Variants in SEL1L observed in about 807,000 individuals in gnomAD.
SEL1L encodes protein sel-1 homolog 1.
A neutral mutation model predicts 109.8 loss-of-function variants in SEL1L; 52 were observed. That is an observed-to-expected ratio of 0.47 (90% CI 0.38 to 0.60). The LOEUF is 0.60. Ranked by LOEUF, SEL1L falls within the 20% of genes least tolerant of loss-of-function variation. The pLI is 0.00. For missense variants in SEL1L, 749 were observed against 962.2 expected (o/e 0.78, Z 2.93); for synonymous variants, 373 against 339.6 (o/e 1.10, Z -1.08).
rs753954411 is a variant in SEL1L at position 81,489,256 on chromosome 14, T to C, written c.1391A>G (p.Gln464Arg). 18 of 1,613,816 alleles carry C rather than the reference T, an allele frequency of 1.1e-5. No individual in the cohort carries two copies. Among genetic ancestry groups the C allele is most frequent in the East Asian group, 2.2e-5 (1 of 44,870 alleles). Residue 464 changes from glutamine to arginine, a missense_variant, in exon 14 of 21, where the codon CAA becomes CGA. Physicochemically the swap from Gln to Arg is conservative, Grantham distance 43. Around this residue, in one of 2 missense-constraint regions of SEL1L, gnomAD observed 383 missense variants for 562.5 expected, o/e 0.68. Coordinates refer to ENST00000336735, the MANE Select transcript of SEL1L (RefSeq NM_005065.6). Reference protein sequence around the residue: ...GMAYLYGRGVQVNYDLALKYF... With the variant: ...GMAYLYGRGVRVNYDLALKYF... The stretch of plus-strand genomic sequence containing the variant: ...AATGTCAGACTGAACACTTACAACT[T>C]GAACTCCTCTCCCATAGAGGTAGGC...
chr14:81,526,673 G>A, intron 3 of SEL1L, 60 bp downstream of exon 3: 1 of 1,274,198 alleles, frequency 7.8e-7, no homozygotes, highest in Non-Finnish European at 1.1e-6. Context: ...TTATTCATTA[G>A]CTTAAAATTT....
At chr14:81,478,242 A>C (rs1190851639) in intron 20 of SEL1L, among the ~76,000 whole-genome samples, 1 of 152,176 alleles carries the variant, frequency 6.6e-6, no homozygotes, top group Non-Finnish European at 1.5e-5. Flanking sequence ...AAAAATGACA[A>C]GAAACCACTA....
chr14:81,487,180 C>T (rs529663544), intron 16 of SEL1L, among the ~76,000 whole-genome samples: 1 of 152,104 alleles, frequency 6.6e-6, no homozygotes, highest in African/African-American at 2.4e-5. Context: ...AGTATCTCCC[C>T]TTATACAGTT....
At chr14:81,510,398 T>G (rs1395646232) in intron 3 of SEL1L, among the ~76,000 whole-genome samples, 1 of 151,218 alleles carries the variant, frequency 6.6e-6, no homozygotes, top group African/African-American at 2.4e-5. Context: ...TTTTAACAGA[T>G]AAGATATTAC....
chr14:81,528,006 C>T (rs1885179038), intron 1 of SEL1L, among the ~76,000 whole-genome samples: 1 of 152,116 alleles, frequency 6.6e-6, no homozygotes, highest in African/African-American at 2.4e-5. Flanking sequence ...CAACAGCCTC[C>T]ACCAACAAAA....
chr14:81,531,134 A>G (rs967835448), intron 1 of SEL1L, among the ~76,000 whole-genome samples: 2 of 152,178 alleles, frequency 1.3e-5, no homozygotes, highest in Admixed American at 1.3e-4. Flanking sequence ...CACTAAATTT[A>G]TTTTTTAAAA....
intron 3 of SEL1L, among the ~76,000 whole-genome samples, chr14:81,520,072 T>C (rs545867617): frequency 9.7e-4 from 148 of 152,226 alleles, no homozygotes; most frequent in Non-Finnish European, 1.2e-3. Flanking sequence ...AGCAACATGA[T>C]TGAGAGGCTG....
At chr14:81,517,636 G>C (rs569569798) in intron 3 of SEL1L, among the ~76,000 whole-genome samples, 3 of 151,762 alleles carry the variant, frequency 2.0e-5, no homozygotes, top group Non-Finnish European at 4.4e-5. Context: ...ACTGCAGTAG[G>C]GAGAAAAAAG....
At chr14:81,501,533 A>G (rs1016817370) in intron 6 of SEL1L, among the ~76,000 whole-genome samples, 3 of 152,214 alleles carry the variant, frequency 2.0e-5, no homozygotes, top group Non-Finnish European at 2.9e-5. Flanking sequence ...TAAAATACCG[A>G]GGAAAGAGCT....
intron 12 of SEL1L, among the ~76,000 whole-genome samples, chr14:81,491,029 A>G (rs1469948964): frequency 6.6e-6 from 1 of 152,256 alleles, no homozygotes; most frequent in African/African-American, 2.4e-5. Context: ...AATACATAAA[A>G]TCAGCTCATA....
Position 81,476,905 on chromosome 14 carries a change from C to A in SEL1L, c.*67G>T. ...TGACCACTGATCCAAGGTCCTAAAT[C>A]AAATGCAAGTGTTCCCAGCAGATAA... On this transcript the variant is annotated 3_prime_UTR_variant, in exon 21 of 21. Coordinates refer to ENST00000336735, the MANE Select transcript of SEL1L (RefSeq NM_005065.6). 4 of 1,534,804 alleles carry A rather than the reference C, an allele frequency of 2.6e-6. No homozygotes were observed. In the South Asian group the frequency reaches 3.5e-5, roughly 13 times the overall value.
At chr14:81,484,493 C>T (rs1188572753) in intron 18 of SEL1L, 96 bp from the exon 19 acceptor site, 3 of 1,172,322 alleles carry the variant, frequency 2.6e-6, no homozygotes, top group South Asian at 3.4e-5. Context: ...TTACATAAAA[C>T]AAAGAATTTT....
intron 12 of SEL1L, among the ~76,000 whole-genome samples, chr14:81,490,897 T>C (rs1157980397): frequency 6.6e-6 from 1 of 152,128 alleles, no homozygotes; most frequent in Admixed American, 6.6e-5. Context: ...CAAGACCTCA[T>C]ATCAAAACAA....
chr14:81,485,315 G>A (rs1000931642), intron 18 of SEL1L, among the ~76,000 whole-genome samples: 4 of 152,042 alleles, frequency 2.6e-5, no homozygotes, highest in Non-Finnish European at 5.9e-5. Flanking sequence ...TCGCTCTGTC[G>A]CCCAGGCTGG....
intron 17 of SEL1L, 22 bp downstream of exon 17, chr14:81,486,267 G>A: frequency 6.2e-7 from 1 of 1,612,478 alleles, no homozygotes; most frequent in Non-Finnish European, 8.5e-7. Flanking sequence ...TAAACCTAAG[G>A]CAGGACTAAA....
At position 81,509,881 on chromosome 14, in the gene SEL1L, C is replaced by T. The variant is rs550119460; in HGVS notation, c.341-3640G>A. On this transcript the variant is annotated intron_variant, in intron 3 of 20. Transcript: ENST00000336735. ...GATTATGTACAAGAGAATACTTGTA[C>T]AGTATCCTAATTTTAAAAACATAAA... 5.2e-4 allele frequency among the ~76,000 whole-genome samples: 79 copies of T among 152,276 alleles called. 1 individual carries two copies. In the South Asian group the frequency reaches 0.015, roughly 30 times the overall value.
chr14:81,526,316 G>A lies in SEL1L; in HGVS notation c.340+417C>T, dbSNP rs184080968. 2.2e-3 allele frequency among the ~76,000 whole-genome samples: 330 copies of A among 152,288 alleles called. 2 individuals carry two copies. In the Middle Eastern group the frequency reaches 0.037, roughly 17 times the overall value. ...ACACCTAAATCAAATTACCTAGGAT[G>A]ATCGACAAGGTTATTGTAGTAATAA... On this transcript the variant is annotated intron_variant, in intron 3 of 20. Coordinates refer to ENST00000336735, the MANE Select transcript of SEL1L (RefSeq NM_005065.6).
chr14:81,519,661 G>A (rs1305835130), intron 3 of SEL1L, among the ~76,000 whole-genome samples: 4 of 152,180 alleles, frequency 2.6e-5, no homozygotes, highest in Admixed American at 2.6e-4. Context: ...ACTGATAGTG[G>A]GGGAAAGAGC....
intron 3 of SEL1L, among the ~76,000 whole-genome samples, chr14:81,519,328 G>A (rs1884823203): frequency 6.6e-6 from 1 of 152,148 alleles, no homozygotes; most frequent in Admixed American, 6.5e-5. Flanking sequence ...AATTATAGCT[G>A]TGAACACAAC....
Sources: gnomAD v4.1 joint callset for allele counts (sites outside exome capture counted in the v4.1 genomes callset) on GRCh38, gnomAD v4.1.1 for gene constraint, gnomAD v4.1.1 regional missense constraint, MANE v1.5 for transcripts, NCBI Gene and HGNC (gene_info 2026-07-23, HGNC 2026-07-21) for gene names.